Variants in AFG3L2 observed in about 807,000 individuals in gnomAD.
The protein encoded by AFG3L2 is AFG3 like matrix AAA peptidase subunit 2.
A neutral mutation model predicts 94.5 loss-of-function variants in AFG3L2; 54 were observed. That is an observed-to-expected ratio of 0.57 (90% CI 0.46 to 0.72). The LOEUF (loss-of-function observed/expected upper bound fraction) is 0.72. Ranked by LOEUF, AFG3L2 falls within the 30% of genes least tolerant of loss-of-function variation. AFG3L2 has a pLI of 0.00. For synonymous variants in AFG3L2, 377 were observed against 365.5 expected, an observed-to-expected ratio of 1.03 and a Z score of -0.36; for missense variants, 754 against 994.9, an observed-to-expected ratio of 0.76 and a Z score of 3.26.
At chr18:12,360,092 AACTAAAAGGTTCAATTC>A (rs755213834) in intron 6 of AFG3L2, 41 bp from the exon 7 acceptor site, 101 of 1,600,942 alleles carry the variant, frequency 6.3e-5, no homozygotes, top group Non-Finnish European at 8.3e-5. Flanking sequence ...AATGTAGTGA[AACTAAAAGGTTCAATTC>A]ACTAAACGGT....
chr18:12,355,139 C>G, intron 9 of AFG3L2, among the ~76,000 whole-genome samples: 1 of 151,222 alleles, frequency 6.6e-6, no homozygotes, highest in East Asian at 1.9e-4. Context: ...CACTTGAACC[C>G]GGGAGGCAGA....
chr18:12,376,946 C>A, intron 1 of AFG3L2, 23 bp downstream of exon 1: 1 of 1,414,400 alleles, frequency 7.1e-7, no homozygotes, highest in Admixed American at 2.8e-5. Flanking sequence ...GTGGAGGGCG[C>A]CGGGCGCCCA....
rs927578118 is a variant in AFG3L2, at chr18:12,371,141, C to T, written c.215-215G>A. Among the ~76,000 whole-genome samples, 5 of 152,102 alleles carry T rather than the reference C, an allele frequency of 3.3e-5. No individual in the cohort carries two copies. The East Asian group carries it at 5.8e-4, about 18-fold the overall frequency. On this transcript the variant is annotated intron_variant, in intron 2 of 16. Coordinates refer to ENST00000269143, the MANE Select transcript of AFG3L2 (RefSeq NM_006796.3). ...CAGCCTGCCCAACATGGCGAAACTCCGACTCTACTAAAAGTACAAAAAATT... is the reference window on the plus strand; with the variant it reads ...CAGCCTGCCCAACATGGCGAAACTCTGACTCTACTAAAAGTACAAAAAATT...
chr18:12,374,684 C>A (rs78464739), intron 1 of AFG3L2, among the ~76,000 whole-genome samples: 2,077 of 152,308 alleles, frequency 0.014, 45 homozygotes, highest in African/African-American at 0.048. Context: ...TTGGGTAACA[C>A]TTCTGACATA....
chr18:12,360,698 T>C (rs1405424501), intron 6 of AFG3L2, among the ~76,000 whole-genome samples: 1 of 152,228 alleles, frequency 6.6e-6, no homozygotes, highest in African/African-American at 2.4e-5. Flanking sequence ...GTCAAGGCTA[T>C]TCTACCAATC....
chr18:12,348,143 C>G, intron 13 of AFG3L2, 130 bp downstream of exon 13: 1 of 773,876 alleles, frequency 1.3e-6, no homozygotes, highest in Non-Finnish European at 2.2e-6. Context: ...CAAGAGAGCA[C>G]AAATGTGGTG....
intron 1 of AFG3L2, among the ~76,000 whole-genome samples, chr18:12,374,283 G>C (rs1312465661): frequency 6.6e-6 from 1 of 152,136 alleles, no homozygotes; most frequent in East Asian, 1.9e-4. Context: ...TGAGAGCACC[G>C]CATTTTGGAG....
intron 14 of AFG3L2, 67 bp downstream of exon 14, chr18:12,344,065 T>C (rs1205349079): frequency 6.5e-6 from 9 of 1,375,394 alleles, no homozygotes; most frequent in Non-Finnish European, 8.3e-6. Context: ...AGCTTGCTTC[T>C]TGAGTGACTG....
intron 13 of AFG3L2, 110 bp from the exon 14 acceptor site, chr18:12,344,357 T>C: frequency 3.4e-6 from 3 of 884,502 alleles, no homozygotes; most frequent in Non-Finnish European, 5.5e-6. Context: ...GTTTGGAGAC[T>C]GAGCTGCCTA....
chr18:12,347,703 A>G (rs1468573379), intron 13 of AFG3L2, among the ~76,000 whole-genome samples: 2 of 152,046 alleles, frequency 1.3e-5, no homozygotes, highest in Non-Finnish European at 2.9e-5. Context: ...AGTACGAGCC[A>G]CCATGCCTGG....
intron 7 of AFG3L2, among the ~76,000 whole-genome samples, chr18:12,359,391 A>G (rs966896751): frequency 6.6e-6 from 1 of 152,158 alleles, no homozygotes; most frequent in African/African-American, 2.4e-5. Flanking sequence ...CTTCATCAAG[A>G]TAAGTATAAA....
intron 16 of AFG3L2, among the ~76,000 whole-genome samples, chr18:12,336,220 A>G (rs1414489654): frequency 6.6e-6 from 1 of 152,266 alleles, no homozygotes; most frequent in Non-Finnish European, 1.5e-5. Context: ...AATAATTACC[A>G]GCCATTATTA....
intron 16 of AFG3L2, among the ~76,000 whole-genome samples, chr18:12,333,131 TATAA>T (rs1907622835): frequency 1.1e-5 from 1 of 88,862 alleles, no homozygotes; most frequent in Non-Finnish European, 2.0e-5. Context: ...AGATTATATA[TATAA>T]TATATATAAT....
At chr18:12,341,170 C>T (rs1308010820) in intron 14 of AFG3L2, 1 of 152,184 alleles carries the variant, frequency 6.6e-6, no homozygotes, top group Non-Finnish European at 1.5e-5. Flanking sequence ...CGGACGTGGC[C>T]ACACCCTCCT....
chr18:12,373,718 T>C (rs770489052), intron 1 of AFG3L2, among the ~76,000 whole-genome samples: 92 of 152,118 alleles, frequency 6.0e-4, no homozygotes, highest in Non-Finnish European at 6.3e-4. Context: ...GAGAAGGTGC[T>C]ACATCAAAAC....
intron 1 of AFG3L2, among the ~76,000 whole-genome samples, chr18:12,372,399 G>A (rs1460771401): frequency 2.0e-5 from 3 of 152,220 alleles, no homozygotes; most frequent in Non-Finnish European, 4.4e-5. Context: ...AAGTATGGGT[G>A]AGGATGTGAG....
chr18:12,356,827 G>A lies in AFG3L2; in HGVS notation c.1031C>T (p.Ala344Val). 1.2e-6 allele frequency: 2 copies of A among 1,613,986 alleles called. No homozygotes were observed. Among genetic ancestry groups the A allele is most frequent in the Non-Finnish European group, 1.7e-6 (2 of 1,179,996 alleles). ...QDLGAKIPKG[A>V]ILTGPPGTGK... ...AGTGCCTGGAGGACCAGTGAGAATG[G>A]CACCCTTCAGATATGAAAAAAGAAA... Residue 344 changes from alanine (A) to valine (V), a missense_variant, in exon 9 of 17, where the codon GCC becomes GTC. By Grantham distance (64) the Ala-to-Val change is moderately conservative. This residue lies in a region of AFG3L2 where 109 missense variants were observed against 227.1 expected (regional missense o/e 0.48). Transcript: ENST00000269143.
chr18:12,367,027 T>C lies in AFG3L2; in HGVS notation c.490A>G (p.Lys164Glu), dbSNP rs1908826711. Residue 164 changes from lysine (K) to glutamate (E), a missense_variant, in exon 5 of 17, where the codon AAG becomes GAG. Lys to Glu is a moderately conservative substitution (Grantham distance 56). This residue lies in a region of AFG3L2 where 236 missense variants were observed against 214.0 expected (regional missense o/e 1.10). Transcript: ENST00000269143. ...WGGVMFYLLL[K>E]RSGREITWKD... ...CAAGTGATTTCTCTCCCGGATCTCT[T>C]GAGCAGCAAGTAAAACATGACTCCA... 2.5e-6 allele frequency: 4 copies of C among 1,614,218 alleles called. No homozygotes were observed. The highest frequency in any genetic ancestry group is 1.3e-5 in the African/African-American group (1 of 75,064).
chr18:12,372,607 T>G (rs1909026810), intron 1 of AFG3L2, among the ~76,000 whole-genome samples: 1 of 152,214 alleles, frequency 6.6e-6, no homozygotes, highest in Admixed American at 6.5e-5. Flanking sequence ...AGAAGCCTTA[T>G]TCATAACAGT....
Sources: gnomAD v4.1 joint callset for allele counts (sites outside exome capture counted in the v4.1 genomes callset) on GRCh38, gnomAD v4.1.1 for gene constraint, gnomAD v4.1.1 regional missense constraint, MANE v1.5 for transcripts, NCBI Gene and HGNC (gene_info 2026-07-23, HGNC 2026-07-21) for gene names.